SCNN1A: variants seen among roughly 807,000 people sequenced by gnomAD.
SCNN1A encodes the protein sodium channel epithelial 1 subunit alpha.
Under a neutral mutation model 68.6 loss-of-function variants are expected in SCNN1A, and 65 were observed. The observed-to-expected ratio is 0.95, with a 90% confidence interval of 0.78 to 1.16. SCNN1A has a LOEUF of 1.16. Among genes scored for constraint, SCNN1A ranks in the 50% most tolerant of loss-of-function variants. The pLI is 0.00. For synonymous variants in SCNN1A, 357 were observed against 353.3 expected, an observed-to-expected ratio of 1.01 and a Z score of -0.12; for missense variants, 880 against 865.9, an observed-to-expected ratio of 1.02 and a Z score of -0.20.
In SCNN1A at chr12:6,351,469, A is replaced by G. The variant is rs752373427; in HGVS notation, c.1361-2064T>C. Among the ~76,000 whole-genome samples, 3 of 152,066 alleles carry G rather than the reference A, an allele frequency of 2.0e-5. No individual in the cohort carries two copies. Among genetic ancestry groups the G allele is most frequent in the African/African-American group, 4.8e-5 (2 of 41,390 alleles). On this transcript the variant is annotated intron_variant, in intron 8 of 12. Transcript: ENST00000228916. The surrounding 1 kb of genome is among the most constrained non-coding windows in gnomAD (Gnocchi z 4.2). Reference sequence around the variant, plus strand: ...AAACCCCATCTCTACTAAAAAATACAAAAATTAGCTGGGCTTGGCAGCATG... The same window carrying G: ...AAACCCCATCTCTACTAAAAAATACGAAAATTAGCTGGGCTTGGCAGCATG...
At chr12:6,350,808 GC>G (rs1217066001) in intron 8 of SCNN1A, among the ~76,000 whole-genome samples, 1 of 152,222 alleles carries the variant, frequency 6.6e-6, no homozygotes, top group East Asian at 1.9e-4. Context: ...CTGCACTCCA[GC>G]CTGGGCAACA....
At chr12:6,361,898 T>C (rs1264266021) in intron 4 of SCNN1A, among the ~76,000 whole-genome samples, 153 bp downstream of exon 4, 4 of 152,276 alleles carry the variant, frequency 2.6e-5, no homozygotes, top group Admixed American at 2.6e-4. Flanking sequence ...TGGGGCAGGG[T>C]GTGGGCCCAA....
At chr12:6,376,915 A>G (rs1948923070), upstream of SCNN1A, among the ~76,000 whole-genome samples, 1 of 152,214 alleles carries the variant, frequency 6.6e-6, no homozygotes, top group South Asian at 2.1e-4. Context: ...ATACAATAAG[A>G]TAAGGTTTCT....
At chr12:6,373,130 C>G (rs753230302) in intron 2 of SCNN1A, among the ~76,000 whole-genome samples, 2 of 149,854 alleles carry the variant, frequency 1.3e-5, no homozygotes, top group Non-Finnish European at 3.0e-5. Context: ...AATGACCTGG[C>G]TTTTTTTTTT....
chr12:6,350,753 C>G (rs1369671988), intron 8 of SCNN1A, among the ~76,000 whole-genome samples: 1 of 152,222 alleles, frequency 6.6e-6, no homozygotes, highest in Non-Finnish European at 1.5e-5. Flanking sequence ...AGGATAATTG[C>G]TTGAACCTAG....
rs1417747475 is a variant in SCNN1A at position 6,351,623 on chromosome 12, T to C, written c.1361-2218A>G. 7.0e-6 allele frequency among the ~76,000 whole-genome samples: 1 copy of C among 143,588 alleles called. No homozygotes were observed. Among genetic ancestry groups the C allele is most frequent in the Non-Finnish European group, 1.5e-5 (1 of 66,378 alleles). The allele number at this position is 143,588 out of a possible 152,430, so 94.2% of individuals were successfully genotyped here. ...GTCTGGGCGACAGAGGGAGATTCTGTCTCCAGAAGAAAAAAAAAAAAAAAG... is the reference window on the plus strand; with the variant it reads ...GTCTGGGCGACAGAGGGAGATTCTGCCTCCAGAAGAAAAAAAAAAAAAAAG... On this transcript the variant is annotated intron_variant, in intron 8 of 12. Transcript: ENST00000228916. The surrounding 1 kb of genome is among the most constrained non-coding windows in gnomAD (Gnocchi z 4.2).
rs1447223911 is a variant in SCNN1A at position 6,374,997 on chromosome 12, C to A, written c.-54-160G>T. On this transcript the variant is annotated intron_variant, in intron 1 of 12. Transcript: ENST00000228916. The surrounding 1 kb of genome is among the most constrained non-coding windows in gnomAD (Gnocchi z 6.2). ...CGCCCACATTCTCCCACTCCTCCCT[C>A]CCTCCTCCACCTTTCCTGGAGCCAG... is the stretch of plus-strand genomic sequence containing the variant. 6 of 1,549,656 alleles carry A rather than the reference C, an allele frequency of 3.9e-6. No homozygotes were observed. Among genetic ancestry groups the A allele is most frequent in the Non-Finnish European group, 5.2e-6 (6 of 1,147,618 alleles).
intron 2 of SCNN1A, among the ~76,000 whole-genome samples, chr12:6,369,394 G>A (rs1055184758): frequency 7.6e-6 from 1 of 131,170 alleles, no homozygotes; most frequent in African/African-American, 3.1e-5. Flanking sequence ...TCACTGATGA[G>A]CCCCCCCACT....
chr12:6,363,328 C>CAT, intron 3 of SCNN1A, 115 bp downstream of exon 3: 1 of 828,778 alleles, frequency 1.2e-6, no homozygotes, highest in Admixed American at 4.1e-5. Context: ...CCACGAGGCC[C>CAT]CGCGTGGTGT....
At chr12:6,365,739 C>T (rs752430461) in intron 2 of SCNN1A, among the ~76,000 whole-genome samples, 3 of 152,200 alleles carry the variant, frequency 2.0e-5, no homozygotes, top group Non-Finnish European at 4.4e-5. Context: ...AATTCAGAAC[C>T]ATAAACACTC....
chr12:6,369,293 CTCACCTCCCTCCTGCCACCCT>C (rs1220762250), intron 2 of SCNN1A, among the ~76,000 whole-genome samples: 7 of 148,540 alleles, frequency 4.7e-5, no homozygotes, highest in African/African-American at 1.7e-4. Flanking sequence ...TGCCACCCTA[CTCACCTCCCTCCTGCCACCCT>C]ACGCACCTCC....
intron 4 of SCNN1A, among the ~76,000 whole-genome samples, chr12:6,361,643 T>G (rs1268159424): frequency 6.6e-6 from 1 of 152,116 alleles, no homozygotes; most frequent in African/African-American, 2.4e-5. Flanking sequence ...CTCAGGAGGC[T>G]GAGGCAGGAG....
intron 8 of SCNN1A, among the ~76,000 whole-genome samples, chr12:6,350,729 T>C (rs1160708801): frequency 6.6e-6 from 1 of 151,756 alleles, no homozygotes; most frequent in Non-Finnish European, 1.5e-5. Flanking sequence ...CCCAGCTACT[T>C]GGGAGGCTGA....
At chr12:6,375,206 C>T in intron 1 of SCNN1A, 1 of 1,445,078 alleles carries the variant, frequency 6.9e-7, no homozygotes, top group African/African-American at 1.4e-5. Context: ...CTCACTCCCT[C>T]TCTATCTGCC....
rs1030400144 is a variant in SCNN1A at position 6,360,061 on chromosome 12, G to C, written c.875+1990C>G. 3.9e-5 allele frequency among the ~76,000 whole-genome samples: 6 copies of C among 152,148 alleles called. No homozygotes were observed. The East Asian group carries it at 7.7e-4, about 20-fold the overall frequency. ...GCTGGGATTACAGGCATGAGCCACC[G>C]TGCCCGGTGAGATATTCCTTTATAG... On this transcript the variant is annotated intron_variant, in intron 4 of 12. Coordinates refer to ENST00000228916, the MANE Select transcript of SCNN1A (RefSeq NM_001038.6).
At chr12:6,362,354 C>T (rs776384803) in intron 3 of SCNN1A, 113 bp from the exon 4 acceptor site, 16 of 943,094 alleles carry the variant, frequency 1.7e-5, no homozygotes, top group African/African-American at 4.8e-5. Context: ...GGACAGGAGT[C>T]GGAAGCCAGG....
Position 6,349,851 on chromosome 12 carries a change from G to A in SCNN1A, c.1361-446C>T, listed in dbSNP as rs935370309. ...ATACCATTCTCCTGCATCAGCCTCC[G>A]GAGTAGCTGGGACTACAGGCGCCCG... On this transcript the variant is annotated intron_variant, in intron 8 of 12. Transcript: ENST00000228916. The A allele has an allele frequency of 2.7e-4, 47 of 176,868 alleles. 1 individual carries two copies. Among genetic ancestry groups the A allele is most frequent in the East Asian group, 7.7e-4 (5 of 6,466 alleles). The allele number at this position is 176,868 out of a possible 1,614,324, so 11.0% of individuals were successfully genotyped here.
intron 4 of SCNN1A, among the ~76,000 whole-genome samples, chr12:6,358,141 G>A (rs558034686): frequency 4.0e-4 from 61 of 152,330 alleles, no homozygotes; most frequent in Middle Eastern, 6.8e-3. Flanking sequence ...GTAAAATGGG[G>A]ATAATAAAAA....
Position 6,351,057 on chromosome 12 carries a change from A to G in SCNN1A, c.1361-1652T>C, listed in dbSNP as rs745929124. Among the ~76,000 whole-genome samples the G allele has an allele frequency of 1.4e-4, 22 of 152,172 alleles. No individual in the cohort carries two copies. Among genetic ancestry groups the G allele is most frequent in the Non-Finnish European group, 2.6e-4 (18 of 68,030 alleles). ...CCATTCCTAGGTATATACCCAAGAA[A>G]ATGGAAAACATGCGTCCACACAAAA... On this transcript the variant is annotated intron_variant, in intron 8 of 12. Transcript: ENST00000228916. This position sits in a 1 kb window ranked among gnomAD's most constrained non-coding sequence, Gnocchi z 4.2.
Sources: gnomAD v4.1 joint callset for allele counts (sites outside exome capture counted in the v4.1 genomes callset) on GRCh38, gnomAD v4.1.1 for gene constraint, Gnocchi (gnomAD v3.1) non-coding constraint, MANE v1.5 for transcripts, NCBI Gene and HGNC (gene_info 2026-07-23, HGNC 2026-07-21) for gene names.